NYAP2: variants seen among roughly 807,000 people sequenced by gnomAD.
NYAP2 encodes the protein neuronal tyrosine-phosphorylated phosphoinositide-3-kinase adaptor 2, also known as neuronal tyrosine-phosphorylated phosphoinositide-3-kinase adapter 2.
Under a neutral mutation model 50.4 loss-of-function variants are expected in NYAP2, and 23 were observed. The ratio of observed to expected loss-of-function variants is 0.46; its 90% CI spans 0.33 to 0.65. NYAP2 has a LOEUF of 0.65. Among genes scored for constraint, NYAP2 ranks in the 30% least tolerant of loss-of-function variants. The pLI is 0.02. For missense variants in NYAP2, 885 were observed against 861.0 expected (o/e 1.03, Z -0.35); for synonymous variants, 394 against 365.2 (o/e 1.08, Z -0.90).
chr2:225,561,703 A>G (rs1208460711), intron 4 of NYAP2, among the ~76,000 whole-genome samples: 1 of 152,140 alleles, frequency 6.6e-6, no homozygotes, highest in African/African-American at 2.4e-5. Flanking sequence ...GCTGGAGCCC[A>G]AGAGTAACAA....
Position 225,551,598 on chromosome 2 carries a change from G to A in NYAP2, c.524-30343G>A, listed in dbSNP as rs192314156. Among the ~76,000 whole-genome samples, 233 of 152,286 alleles carry A rather than the reference G, an allele frequency of 1.5e-3. 1 individual carries two copies. Among genetic ancestry groups the A allele is most frequent in the Non-Finnish European group, 2.5e-3 (169 of 68,016 alleles). On this transcript the variant is annotated intron_variant, in intron 4 of 6. Transcript: ENST00000636099. ...CATAGCAGAAAAGTGACACTGTAAT[G>A]TCTATCCTTTGTAGGCTCTTTTGTT...
At chr2:225,570,511 A>T (rs1380969412) in intron 4 of NYAP2, among the ~76,000 whole-genome samples, 1 of 152,184 alleles carries the variant, frequency 6.6e-6, no homozygotes, top group Non-Finnish European at 1.5e-5. Context: ...GCACCTCTTC[A>T]CAGGGCAGCA....
chr2:225,519,319 T>A (rs1174441980), intron 4 of NYAP2, among the ~76,000 whole-genome samples: 1 of 151,924 alleles, frequency 6.6e-6, no homozygotes, highest in Admixed American at 6.6e-5. Context: ...ATGCGCACAA[T>A]GTGCAGGTTA....
At chr2:225,527,953 CCT>C (rs1209744136) in intron 4 of NYAP2, among the ~76,000 whole-genome samples, 1 of 152,146 alleles carries the variant, frequency 6.6e-6, no homozygotes, top group African/African-American at 2.4e-5. Flanking sequence ...GGCCTAATCT[CCT>C]TTCTTATTAA....
At chr2:225,413,548 C>T (rs949252801) in intron 3 of NYAP2, among the ~76,000 whole-genome samples, 2 of 152,074 alleles carry the variant, frequency 1.3e-5, no homozygotes, top group Non-Finnish European at 2.9e-5. Context: ...ATTATTTCCT[C>T]AAACTACAAT....
intron 4 of NYAP2, among the ~76,000 whole-genome samples, chr2:225,547,091 C>T (rs538568466): frequency 5.6e-4 from 86 of 152,228 alleles, no homozygotes; most frequent in African/African-American, 2.0e-3. Flanking sequence ...TTACTCTTCC[C>T]TCTCCTCCCC....
intron 6 of NYAP2, among the ~76,000 whole-genome samples, chr2:225,651,163 T>C (rs1693723998): frequency 6.6e-6 from 1 of 152,202 alleles, no homozygotes; most frequent in African/African-American, 2.4e-5. Context: ...GATGACTCCA[T>C]AGAAACCAAC....
At chr2:225,437,088 A>G (rs1430208932) in intron 3 of NYAP2, among the ~76,000 whole-genome samples, 1 of 152,058 alleles carries the variant, frequency 6.6e-6, no homozygotes, top group Non-Finnish European at 1.5e-5. Context: ...ATATATATAT[A>G]TATATGTATA....
At chr2:225,450,015 G>T (rs1689625862) in intron 3 of NYAP2, among the ~76,000 whole-genome samples, 2 of 152,168 alleles carry the variant, frequency 1.3e-5, no homozygotes, top group South Asian at 4.1e-4. Flanking sequence ...TCATTAGGTA[G>T]TATGTCTCCT....
At chr2:225,610,905 C>T (rs1692870251) in intron 5 of NYAP2, among the ~76,000 whole-genome samples, 1 of 152,126 alleles carries the variant, frequency 6.6e-6, no homozygotes, top group African/African-American at 2.4e-5. Flanking sequence ...TTAACCAAGC[C>T]TTTTCAAAAG....
rs1027732765 is a variant in NYAP2, at chr2:225,452,126, G to A, written c.221+43025G>A. Among the ~76,000 whole-genome samples, 6 of 152,110 alleles carry A rather than the reference G, an allele frequency of 3.9e-5. No individual in the cohort carries two copies. The South Asian group carries it at 6.2e-4, about 16-fold the overall frequency. ...TGAGGGCTCAAATCTATCCTGCTTCGTTTGCAATATGTTATAGCTTTATAA... is the reference window on the plus strand; with the variant it reads ...TGAGGGCTCAAATCTATCCTGCTTCATTTGCAATATGTTATAGCTTTATAA... On this transcript the variant is annotated intron_variant, in intron 3 of 6. Coordinates refer to ENST00000636099, the Ensembl canonical transcript of NYAP2.
intron 3 of NYAP2, among the ~76,000 whole-genome samples, chr2:225,495,070 T>A (rs1023808497): frequency 6.6e-6 from 1 of 152,200 alleles, no homozygotes; most frequent in African/African-American, 2.4e-5. Context: ...TTTACATGTG[T>A]GCTTATTTTA....
At chr2:225,614,270 C>G (rs763801118) in intron 5 of NYAP2, among the ~76,000 whole-genome samples, 1 of 152,226 alleles carries the variant, frequency 6.6e-6, no homozygotes, top group African/African-American at 2.4e-5. Context: ...ATGTTAAGAA[C>G]AGTTAATATT....
chr2:225,489,762 C>T (rs966803128), intron 3 of NYAP2, among the ~76,000 whole-genome samples: 2 of 152,174 alleles, frequency 1.3e-5, no homozygotes, highest in African/African-American at 4.8e-5. Context: ...ATTCTCAACC[C>T]TTAACTGGCA....
chr2:225,582,612 G>T lies in NYAP2; in HGVS notation c.1195G>T (p.Ala399Ser), dbSNP rs770182739. 3.1e-6 allele frequency: 5 copies of T among 1,592,878 alleles called. No homozygotes were observed. In the East Asian group the frequency reaches 1.2e-4, roughly 37 times the overall value. Reference sequence around the variant, plus strand: ...TGCGAAACTGGAGAAAGAGCAGGCCGCGGCCCTGGGACCTGCCTCTGCCAC... The same window carrying T: ...TGCGAAACTGGAGAAAGAGCAGGCCTCGGCCCTGGGACCTGCCTCTGCCAC... Residue 399 changes from alanine (A) to serine (S), a missense_variant, in exon 5 of 7, where the codon GCG becomes TCG. Transcript: ENST00000636099. This position sits in a 1 kb window ranked among gnomAD's most constrained non-coding sequence, Gnocchi z 7.0.
At chr2:225,423,343 G>A (rs942910653) in intron 3 of NYAP2, among the ~76,000 whole-genome samples, 2 of 152,194 alleles carry the variant, frequency 1.3e-5, no homozygotes, top group Non-Finnish European at 2.9e-5. Flanking sequence ...GCTTAGAGGT[G>A]TCAACACAGC....
At chr2:225,531,783 A>G (rs573080717) in intron 4 of NYAP2, among the ~76,000 whole-genome samples, 5 of 152,168 alleles carry the variant, frequency 3.3e-5, no homozygotes, top group Non-Finnish European at 7.3e-5. Flanking sequence ...TGTTTATAAT[A>G]CAGCAACCAC....
chr2:225,544,842 A>C (rs11887416), intron 4 of NYAP2, among the ~76,000 whole-genome samples: 4,192 of 152,182 alleles, frequency 0.028, 183 homozygotes, highest in African/African-American at 0.094. Flanking sequence ...TGAAGTAGTT[A>C]CTTTAGCATT....
chr2:225,615,735 T>A (rs1692976758), intron 5 of NYAP2, among the ~76,000 whole-genome samples: 1 of 152,112 alleles, frequency 6.6e-6, no homozygotes, highest in Non-Finnish European at 1.5e-5. Flanking sequence ...ATTCTGGAGC[T>A]GATTGGAGCT....
Sources: allele counts gnomAD v4.1 joint callset (sites outside exome capture counted in the v4.1 genomes callset), GRCh38; gene constraint gnomAD v4.1.1; non-coding constraint Gnocchi (gnomAD v3.1); transcripts MANE v1.5; gene names NCBI Gene and HGNC (gene_info 2026-07-23, HGNC 2026-07-21).